SRGAP3: variants seen among roughly 807,000 people sequenced by gnomAD.
SRGAP3 encodes the protein SLIT-ROBO Rho GTPase activating protein 3, also known as SLIT-ROBO Rho GTPase-activating protein 3.
Under a neutral mutation model 121.1 loss-of-function variants are expected in SRGAP3, and 39 were observed. The observed-to-expected ratio is 0.32, with a 90% CI of 0.25 to 0.42. The LOEUF is 0.42. Among genes scored for constraint, SRGAP3 ranks in the 10% least tolerant of loss-of-function variants. The probability of loss-of-function intolerance (pLI) is 1.00; values close to 1 mark genes in which losing one functional copy is unlikely to be tolerated. For missense variants in SRGAP3, 1,213 were observed against 1,470.6 expected, an observed-to-expected ratio of 0.82 and a Z score of 2.86; for synonymous variants, 601 against 570.0, an observed-to-expected ratio of 1.05 and a Z score of -0.77.
chr3:9,141,551 GGGGT>G lies in SRGAP3; in HGVS notation c.68-16638_68-16635del, dbSNP rs1266755694. Among the ~76,000 whole-genome samples the G allele has an allele frequency of 4.3e-3, 508 of 117,616 alleles. 7 individuals carry two copies. Among genetic ancestry groups the G allele is most frequent in the African/African-American group, 0.019 (458 of 24,686 alleles). 77.2% of individuals were successfully genotyped at this position (117,616 alleles called of 152,430 possible). A position where few individuals can be genotyped will look rare whatever the true frequency, so the allele number is the denominator to read the frequency against. On this transcript the variant is annotated intron_variant, in intron 1 of 21. Coordinates refer to ENST00000383836, the MANE Select transcript of SRGAP3 (RefSeq NM_014850.4). ...AAGAAACAAGAAGGATCTGACTTCAGGGGTGTGTGTGTGTGTGTGTGTGTGTGTG... is the reference window on the plus strand; with the variant it reads ...AAGAAACAAGAAGGATCTGACTTCAGGTGTGTGTGTGTGTGTGTGTGTGTG...
Position 9,338,272 on chromosome 3 carries a change from A to C in SRGAP3, n.215-7676T>G, listed in dbSNP as rs553770610. On this transcript the variant is annotated intron_variant and non_coding_transcript_variant, in intron 1 of 3. Transcript: ENST00000490889. ...TGCATATATAGATTCTAAATAAAAA[A>C]AGAGTAGTAGAAACCTCCACAGTTT... 3.3e-5 allele frequency among the ~76,000 whole-genome samples: 5 copies of C among 152,322 alleles called. No homozygotes were observed. The South Asian group carries it at 1.0e-3, about 32-fold the overall frequency.
intron 3 of SRGAP3, among the ~76,000 whole-genome samples, chr3:9,319,315 G>T (rs1289615812): frequency 6.6e-6 from 1 of 151,872 alleles, no homozygotes; most frequent in Non-Finnish European, 1.5e-5. Context: ...GACAGAGGGA[G>T]GCCTGTCAGT....
chr3:9,012,933 A>G (rs1943446069), intron 17 of SRGAP3, among the ~76,000 whole-genome samples: 2 of 152,200 alleles, frequency 1.3e-5, no homozygotes, highest in Non-Finnish European at 1.5e-5. Flanking sequence ...GGAAATGGCT[A>G]TCCAAGAATG....
chr3:9,234,618 C>G (rs563385661), intron 1 of SRGAP3, among the ~76,000 whole-genome samples: 2 of 152,240 alleles, frequency 1.3e-5, no homozygotes, highest in South Asian at 4.2e-4. Context: ...TACAGAAATC[C>G]AGGTCTTTCT....
At chr3:9,195,906 T>A (rs559698679) in intron 1 of SRGAP3, among the ~76,000 whole-genome samples, 1 of 152,102 alleles carries the variant, frequency 6.6e-6, no homozygotes, top group Non-Finnish European at 1.5e-5. Flanking sequence ...CAGTGAGCCA[T>A]GATCACACCA....
chr3:9,304,676 C>A (rs1463110292), intron 3 of SRGAP3, among the ~76,000 whole-genome samples: 2 of 152,136 alleles, frequency 1.3e-5, no homozygotes, highest in Non-Finnish European at 2.9e-5. Context: ...GGGCTTCTCC[C>A]CCTCCGCACT....
chr3:9,347,516 T>G (rs1239726405), intron 1 of SRGAP3, among the ~76,000 whole-genome samples: 1 of 152,222 alleles, frequency 6.6e-6, no homozygotes, highest in Non-Finnish European at 1.5e-5. Context: ...TAAACAAGGC[T>G]GTGTTGAGAA....
intron 3 of SRGAP3, among the ~76,000 whole-genome samples, chr3:9,263,024 A>G (rs1312699600): frequency 1.3e-5 from 2 of 152,194 alleles, no homozygotes; most frequent in East Asian, 3.8e-4. Context: ...AGTCTCTCAG[A>G]CCACAGTGCA....
At chr3:9,111,256 T>C (rs1400872979) in intron 2 of SRGAP3, among the ~76,000 whole-genome samples, 1 of 152,152 alleles carries the variant, frequency 6.6e-6, no homozygotes, top group Non-Finnish European at 1.5e-5. Flanking sequence ...GCCTGTGCCA[T>C]GAGTGCCTGT....
chr3:9,320,961 G>A (rs1369375838), intron 3 of SRGAP3, among the ~76,000 whole-genome samples: 1 of 151,802 alleles, frequency 6.6e-6, no homozygotes, highest in East Asian at 1.9e-4. Flanking sequence ...TTTTAAAGTA[G>A]AATCTAATTA....
exon 3 of SRGAP3, chr3:9,326,162 T>G (rs1182034765): frequency 6.6e-6 from 1 of 151,904 alleles, no homozygotes; most frequent in African/African-American, 2.4e-5. Flanking sequence ...GATCCAATCT[T>G]TGGGTTCTAG....
chr3:8,997,152 C>T (rs551068705), intron 18 of SRGAP3, among the ~76,000 whole-genome samples: 2 of 152,192 alleles, frequency 1.3e-5, no homozygotes, highest in Admixed American at 1.3e-4. Flanking sequence ...TTGGGCTTCT[C>T]GTGCCTGAAA....
chr3:9,355,937 T>C (rs1389443952), intron 1 of SRGAP3: 1 of 152,194 alleles, frequency 6.6e-6, no homozygotes, highest in East Asian at 1.9e-4. Flanking sequence ...CTCATCCTTT[T>C]ATCTGGAATC....
chr3:9,153,165 T>C (rs1359612297), intron 1 of SRGAP3, among the ~76,000 whole-genome samples: 1 of 152,234 alleles, frequency 6.6e-6, no homozygotes, highest in Non-Finnish European at 1.5e-5. Context: ...TTGATTGGAC[T>C]GATGGTACAG....
Position 8,985,421 on chromosome 3 carries a change from C to G in SRGAP3, c.*98G>C. On this transcript the variant is annotated 3_prime_UTR_variant, in exon 22 of 22. Transcript: ENST00000383836. This position sits in a 1 kb window ranked among gnomAD's most constrained non-coding sequence, Gnocchi z 5.1. Reference sequence around the variant, plus strand: ...CCCTCCCAGACGGACCTCTGCCCTCCAAGGCCAGGGTCACTGGGAAGCACG... The same window carrying G: ...CCCTCCCAGACGGACCTCTGCCCTCGAAGGCCAGGGTCACTGGGAAGCACG... 1 of 1,560,404 alleles carries G rather than the reference C, an allele frequency of 6.4e-7. No individual in the cohort carries two copies. Among genetic ancestry groups the G allele is most frequent in the South Asian group, 1.2e-5 (1 of 85,420 alleles).
intron 16 of SRGAP3, 22 bp from the exon 17 acceptor site, chr3:9,013,557 C>A (rs1943477411): frequency 9.9e-6 from 16 of 1,612,522 alleles, no homozygotes; most frequent in Non-Finnish European, 1.3e-5. Context: ...GAGTTACCCA[C>A]AAGTCATCTG....
chr3:9,182,344 G>T (rs917753824), intron 1 of SRGAP3, among the ~76,000 whole-genome samples: 30 of 152,048 alleles, frequency 2.0e-4, no homozygotes, highest in Admixed American at 5.9e-4. Flanking sequence ...TTGTAAAAAG[G>T]GGAAATTTGG....
chr3:9,284,373 T>C (rs977508652), intron 3 of SRGAP3, among the ~76,000 whole-genome samples: 2 of 152,240 alleles, frequency 1.3e-5, no homozygotes, highest in South Asian at 2.1e-4. Context: ...TTTTGTTTTG[T>C]TTTACCACGT....
At chr3:9,013,701 C>T (rs184316870) in intron 16 of SRGAP3, 36 bp downstream of exon 16, 2 of 1,609,800 alleles carry the variant, frequency 1.2e-6, no homozygotes, top group African/African-American at 1.3e-5. Flanking sequence ...GAGGCCAGGC[C>T]TGAGTCAAAA....
Sources: allele counts gnomAD v4.1 joint callset (sites outside exome capture counted in the v4.1 genomes callset), GRCh38; gene constraint gnomAD v4.1.1; non-coding constraint Gnocchi (gnomAD v3.1); transcripts MANE v1.5; gene names NCBI Gene and HGNC (gene_info 2026-07-23, HGNC 2026-07-21).